Variants in UBE3D observed in about 807,000 individuals in gnomAD.
UBE3D encodes ubiquitin protein ligase E3D, also known as E3 ubiquitin-protein ligase E3D.
Under a neutral mutation model 49.6 loss-of-function variants are expected in UBE3D, and 48 were observed. The ratio of observed to expected loss-of-function variants is 0.97; its 90% CI spans 0.77 to 1.23. UBE3D has a LOEUF of 1.23. Ranked by LOEUF, UBE3D falls within the 50% of genes most tolerant of loss-of-function variation. The probability of loss-of-function intolerance (pLI) is 0.00; values close to 1 mark genes in which losing one functional copy is unlikely to be tolerated. For synonymous variants in UBE3D, 189 were observed against 174.2 expected, an observed-to-expected ratio of 1.08 and a Z score of -0.67; for missense variants, 452 against 468.4, an observed-to-expected ratio of 0.96 and a Z score of 0.32.
At position 83,035,570 on chromosome 6, in the gene UBE3D, G is replaced by A. The variant is rs75819345; in HGVS notation, c.667+2846C>T. On this transcript the variant is annotated intron_variant, in intron 5 of 9. Transcript: ENST00000369747. ...TAGCTTTCAGCTCTGCTGTTAAGAA[G>A]TTCAATGCTATTCTAATTCTTAATC... 2.2e-3 allele frequency among the ~76,000 whole-genome samples: 328 copies of A among 152,252 alleles called. 1 individual carries two copies. The highest frequency in any genetic ancestry group is 7.7e-3 in the African/African-American group (318 of 41,552).
Position 82,954,407 on chromosome 6 carries a change from T to C in UBE3D, c.1149+2905A>G, listed in dbSNP as rs1334408429. Among the ~76,000 whole-genome samples, 3 of 152,196 alleles carry C rather than the reference T, an allele frequency of 2.0e-5. No homozygotes were observed. In the East Asian group the frequency reaches 5.8e-4, roughly 29 times the overall value. The stretch of plus-strand genomic sequence containing the variant: ...TTGGCCTGAGAGAAATGTTACAATG[T>C]AATTTAAGAAGTTAGAATTTCATAT... On this transcript the variant is annotated intron_variant, in intron 9 of 9. Transcript: ENST00000369747.
chr6:83,019,324 TA>T (rs74721575), intron 7 of UBE3D, among the ~76,000 whole-genome samples, 188 bp from the exon 8 acceptor site: 481 of 129,844 alleles, frequency 3.7e-3, no homozygotes, highest in Middle Eastern at 7.4e-3. Context: ...GACATAAAGT[TA>T]AAAAAAAAAA....
intron 9 of UBE3D, among the ~76,000 whole-genome samples, chr6:82,927,621 G>A (rs1446919037): frequency 6.6e-6 from 1 of 151,890 alleles, no homozygotes; most frequent in African/African-American, 2.4e-5. Context: ...ACATTTGGGG[G>A]GCTAATGTAA....
chr6:83,065,598 C>T lies in UBE3D; in HGVS notation c.77+44G>A, dbSNP rs778596037. The T allele has an allele frequency of 2.5e-6, 4 of 1,595,156 alleles. No individual in the cohort carries two copies. In the East Asian group the frequency reaches 9.0e-5, roughly 36 times the overall value. ...TCACCAGCCCCCGACCCCCGGGCAG[C>T]AGTAAAGCGAGCTGGGCACTGCGCC... On this transcript the variant is annotated intron_variant, in intron 1 of 9. Transcript: ENST00000369747.
chr6:82,888,673 G>A (rs571700317), downstream of UBE3D, among the ~76,000 whole-genome samples: 1 of 152,254 alleles, frequency 6.6e-6, no homozygotes, highest in South Asian at 2.1e-4. Context: ...CCTAGAATAA[G>A]GGTGGCCTTG....
intron 8 of UBE3D, among the ~76,000 whole-genome samples, chr6:82,962,502 AC>A (rs1776627559): frequency 6.6e-6 from 1 of 152,366 alleles, no homozygotes; most frequent in African/African-American, 2.4e-5. Context: ...GGACATTGTT[AC>A]AGTAATGATA....
At chr6:82,950,359 C>T (rs1002658916) in intron 9 of UBE3D, among the ~76,000 whole-genome samples, 1 of 152,082 alleles carries the variant, frequency 6.6e-6, no homozygotes, top group Non-Finnish European at 1.5e-5. Context: ...AAAAGACAGG[C>T]TAACAAATGC....
chr6:82,930,647 T>G (rs1372931556), intron 9 of UBE3D, among the ~76,000 whole-genome samples: 1 of 152,184 alleles, frequency 6.6e-6, no homozygotes, highest in Non-Finnish European at 1.5e-5. Context: ...GAAAGGTCAC[T>G]CTTGCTATGC....
chr6:82,896,286 G>A (rs897531060), intron 9 of UBE3D, among the ~76,000 whole-genome samples: 1 of 152,110 alleles, frequency 6.6e-6, no homozygotes, highest in South Asian at 2.1e-4. Flanking sequence ...TGTATTTCAT[G>A]TTTTTCATTT....
chr6:83,054,974 T>C (rs1386570707), intron 2 of UBE3D, among the ~76,000 whole-genome samples: 1 of 152,158 alleles, frequency 6.6e-6, no homozygotes, highest in Non-Finnish European at 1.5e-5. Context: ...TTTATTTAAA[T>C]AAGGTTTATG....
chr6:83,041,058 A>G (rs1307437481), intron 4 of UBE3D, among the ~76,000 whole-genome samples: 2 of 152,248 alleles, frequency 1.3e-5, no homozygotes, highest in Non-Finnish European at 2.9e-5. Flanking sequence ...AAAGAGTACT[A>G]TTTTATACAA....
At chr6:83,038,394 C>T in intron 5 of UBE3D, 22 bp downstream of exon 5, 1 of 1,601,652 alleles carries the variant, frequency 6.2e-7, no homozygotes. Flanking sequence ...ATCATTTTGG[C>T]TTCTTGTTAT....
At chr6:82,953,314 C>G (rs1193727875) in intron 9 of UBE3D, among the ~76,000 whole-genome samples, 4 of 152,204 alleles carry the variant, frequency 2.6e-5, no homozygotes, top group Non-Finnish European at 5.9e-5. Context: ...ATATATTGAT[C>G]ACTTTGCTTA....
intron 1 of UBE3D, among the ~76,000 whole-genome samples, chr6:83,061,235 T>A (rs953070811): frequency 6.6e-6 from 1 of 152,182 alleles, no homozygotes; most frequent in African/African-American, 2.4e-5. Context: ...GTCAGGACCA[T>A]GAAAGTCAAT....
At chr6:82,888,407 A>C (rs1770927676), downstream of UBE3D, among the ~76,000 whole-genome samples, 1 of 152,090 alleles carries the variant, frequency 6.6e-6, no homozygotes, top group Non-Finnish European at 1.5e-5. Flanking sequence ...TTCTAAAATA[A>C]GTAATAAAAT....
At chr6:82,943,135 A>G (rs771184735) in intron 9 of UBE3D, among the ~76,000 whole-genome samples, 2 of 152,194 alleles carry the variant, frequency 1.3e-5, no homozygotes, top group African/African-American at 2.4e-5. Flanking sequence ...TGACTGCCCT[A>G]TTGGATTTCA....
chr6:82,893,145 A>G (rs1162190128), intron 9 of UBE3D, 103 bp from the exon 10 acceptor site: 2 of 1,352,884 alleles, frequency 1.5e-6, no homozygotes. Flanking sequence ...CAATAAGATC[A>G]TATGCTTGTT....
chr6:83,042,203 C>T (rs551351054), intron 4 of UBE3D, among the ~76,000 whole-genome samples: 85 of 152,246 alleles, frequency 5.6e-4, no homozygotes, highest in African/African-American at 1.8e-3. Context: ...CCACTGCGCC[C>T]GGCCCAAGAT....
chr6:83,058,212 T>A (rs1001098775), intron 1 of UBE3D, among the ~76,000 whole-genome samples, 190 bp from the exon 2 acceptor site: 1 of 152,052 alleles, frequency 6.6e-6, no homozygotes, highest in Non-Finnish European at 1.5e-5. Context: ...CTGATCAGAG[T>A]GCCCTTCACC....
Sources: gnomAD v4.1 joint callset for allele counts (sites outside exome capture counted in the v4.1 genomes callset) on GRCh38, gnomAD v4.1.1 for gene constraint, MANE v1.5 for transcripts, NCBI Gene and HGNC (gene_info 2026-07-23, HGNC 2026-07-21) for gene names.